Variants in CNTN1 observed in about 807,000 individuals in gnomAD.
CNTN1 encodes the protein contactin 1, also known as contactin-1.
A neutral mutation model predicts 126.4 loss-of-function variants in CNTN1; 38 were observed. The ratio of observed to expected loss-of-function variants is 0.30; its 90% CI spans 0.23 to 0.39. The LOEUF (loss-of-function observed/expected upper bound fraction) is 0.39. Among genes scored for constraint, CNTN1 ranks in the 10% least tolerant of loss-of-function variants. The pLI is 1.00. For synonymous variants in CNTN1, 413 were observed against 422.6 expected, an observed-to-expected ratio of 0.98 and a Z score of 0.28; for missense variants, 1,009 against 1,248.4, an observed-to-expected ratio of 0.81 and a Z score of 2.89.
At chr12:40,712,463 A>G (rs1941942178) in intron 1 of CNTN1, among the ~76,000 whole-genome samples, 1 of 152,046 alleles carries the variant, frequency 6.6e-6, no homozygotes, top group South Asian at 2.1e-4. Context: ...TGTGATAGTA[A>G]TGCTTGGTTC....
At position 41,018,985 on chromosome 12, in the gene CNTN1, T is replaced by C. The variant is rs537104424; in HGVS notation, c.2420-1352T>C. The stretch of plus-strand genomic sequence containing the variant: ...TAGCCTGACCAACATGGAGAAACCC[T>C]ATCTCTACTAAAAATACAAAATTAG... On this transcript the variant is annotated intron_variant, in intron 19 of 23. Coordinates refer to ENST00000551295, the MANE Select transcript of CNTN1 (RefSeq NM_001843.4). Among the ~76,000 whole-genome samples the C allele has an allele frequency of 1.1e-4, 16 of 152,116 alleles. No individual in the cohort carries two copies. In the South Asian group the frequency reaches 1.9e-3, roughly 18 times the overall value.
intron 23 of CNTN1, among the ~76,000 whole-genome samples, chr12:41,049,690 A>AT (rs1230584293): frequency 6.6e-6 from 1 of 152,128 alleles, no homozygotes; most frequent in Non-Finnish European, 1.5e-5. Context: ...AGCTCTTCTC[A>AT]TGTCTCTGCA....
intron 17 of CNTN1, among the ~76,000 whole-genome samples, chr12:41,003,412 T>C (rs189697220): frequency 6.6e-6 from 1 of 152,248 alleles, no homozygotes; most frequent in East Asian, 1.9e-4. Context: ...GGTTTCTTTT[T>C]TGTTGTATTT....
chr12:40,706,387 A>C (rs1941741848), intron 1 of CNTN1, among the ~76,000 whole-genome samples: 1 of 151,318 alleles, frequency 6.6e-6, no homozygotes, highest in African/African-American at 2.4e-5. Context: ...TCCTGGCCTG[A>C]CTTCTCCCAG....
intron 1 of CNTN1, among the ~76,000 whole-genome samples, chr12:40,788,256 A>G (rs2136461016): frequency 6.6e-6 from 1 of 152,192 alleles, no homozygotes. Context: ...GCCGCTATGG[A>G]AAAATAGTTC....
chr12:40,809,822 A>T (rs1182939557), intron 1 of CNTN1, among the ~76,000 whole-genome samples: 22 of 141,102 alleles, frequency 1.6e-4, no homozygotes, highest in Admixed American at 1.5e-3. Flanking sequence ...TCTCACACAC[A>T]CACACACACA....
chr12:41,056,953 GATATTTATAAATATTATAAA>G (rs1949823110), intron 23 of CNTN1, among the ~76,000 whole-genome samples: 1 of 99,598 alleles, frequency 1.0e-5, no homozygotes, highest in Non-Finnish European at 2.0e-5. Context: ...ATAATATTTA[GATATTTATAAATATTATAAA>G]TATTTAGATA....
chr12:40,755,137 A>G (rs6581936), intron 1 of CNTN1, among the ~76,000 whole-genome samples: 141,627 of 143,062 alleles, frequency 0.99, 70,113 homozygotes, highest in Middle Eastern at 1. Flanking sequence ...GCTGCAGTGA[A>G]CCATGATTTT....
At chr12:40,697,680 T>A (rs993979679) in intron 1 of CNTN1, among the ~76,000 whole-genome samples, 2 of 152,204 alleles carry the variant, frequency 1.3e-5, no homozygotes, top group Non-Finnish European at 2.9e-5. Flanking sequence ...TTTCCTCCTT[T>A]GAAGCAGAAT....
intron 1 of CNTN1, among the ~76,000 whole-genome samples, chr12:40,891,970 G>A (rs1333029404): frequency 6.6e-6 from 1 of 152,124 alleles, no homozygotes; most frequent in African/African-American, 2.4e-5. Flanking sequence ...TGTAGATCAA[G>A]CTGGGCAGAA....
intron 1 of CNTN1, among the ~76,000 whole-genome samples, chr12:40,712,362 G>T (rs1450364456): frequency 6.6e-6 from 1 of 152,116 alleles, no homozygotes; most frequent in Non-Finnish European, 1.5e-5. Flanking sequence ...TGTGACCAAT[G>T]TAATAGTAGT....
intron 1 of CNTN1, among the ~76,000 whole-genome samples, chr12:40,796,887 G>A (rs1940457629): frequency 6.6e-6 from 1 of 152,044 alleles, no homozygotes; most frequent in East Asian, 1.9e-4. Flanking sequence ...GGAGACAAAA[G>A]TCCTGGGACA....
intron 1 of CNTN1, among the ~76,000 whole-genome samples, chr12:40,737,537 G>A (rs956021806): frequency 3.3e-5 from 5 of 151,744 alleles, no homozygotes; most frequent in African/African-American, 1.2e-4. Flanking sequence ...GAAAGACGTA[G>A]GCTGGGAGGC....
intron 15 of CNTN1, among the ~76,000 whole-genome samples, chr12:40,967,733 G>A (rs2137034495): frequency 6.6e-6 from 1 of 152,068 alleles, no homozygotes; most frequent in Non-Finnish European, 1.5e-5. Flanking sequence ...ATACCTACAA[G>A]TCTCGAAGAA....
At chr12:40,729,928 G>A (rs1045459791) in intron 1 of CNTN1, 9 of 153,062 alleles carry the variant, frequency 5.9e-5, no homozygotes, top group African/African-American at 2.2e-4. Flanking sequence ...CATCTCAATA[G>A]TACCTTCTTA....
At chr12:40,808,342 T>C (rs1275929326) in intron 1 of CNTN1, among the ~76,000 whole-genome samples, 2 of 152,150 alleles carry the variant, frequency 1.3e-5, no homozygotes, top group African/African-American at 4.8e-5. Flanking sequence ...AAAACCCTAA[T>C]GTGCAGCATT....
In CNTN1 at chr12:41,037,586, C is replaced by T. The variant is rs191277571; in HGVS notation, c.2980+8367C>T. Among the ~76,000 whole-genome samples the T allele has an allele frequency of 4.1e-4, 62 of 151,488 alleles. No individual in the cohort carries two copies. The East Asian group carries it at 6.8e-3, about 17-fold the overall frequency. On this transcript the variant is annotated intron_variant, in intron 23 of 23. Coordinates refer to ENST00000551295, the MANE Select transcript of CNTN1 (RefSeq NM_001843.4). ...TGAAGACATTCCTGTCATTAAGCAA[C>T]GCATAACTATAAGCCCATTTATATG...
intron 15 of CNTN1, among the ~76,000 whole-genome samples, chr12:40,961,965 C>A (rs1230079184): frequency 6.6e-6 from 1 of 151,364 alleles, no homozygotes; most frequent in Non-Finnish European, 1.5e-5. Context: ...TAATTTTAAT[C>A]CATATTCAGA....
intron 13 of CNTN1, 55 bp downstream of exon 13, chr12:40,943,779 G>T: frequency 1.3e-6 from 2 of 1,583,814 alleles, no homozygotes; most frequent in South Asian, 1.1e-5. Flanking sequence ...ACATGATTCA[G>T]CACTAAGCAT....
Sources: gnomAD v4.1 joint callset for allele counts (sites outside exome capture counted in the v4.1 genomes callset) on GRCh38, gnomAD v4.1.1 for gene constraint, MANE v1.5 for transcripts, NCBI Gene and HGNC (gene_info 2026-07-23, HGNC 2026-07-21) for gene names.